Variants in NPAS3 observed in about 807,000 individuals in gnomAD.
NPAS3 encodes the protein neuronal PAS domain-containing protein 3.
NPAS3 carries 14 observed loss-of-function variants against 73.1 expected under a neutral mutation model. The ratio of observed to expected loss-of-function variants is 0.19; its 90% CI spans 0.13 to 0.30. The LOEUF is 0.30. NPAS3 is among the 10% of genes least tolerant of loss of function. The probability of loss-of-function intolerance (pLI) is 1.00; values close to 1 mark genes in which losing one functional copy is unlikely to be tolerated. For missense variants in NPAS3, 1,096 were observed against 1,250.0 expected (o/e 0.88, Z 1.86); for synonymous variants, 620 against 541.5 (o/e 1.14, Z -2.01).
intron 4 of NPAS3, among the ~76,000 whole-genome samples, chr14:33,474,955 A>G (rs2050951720): frequency 6.6e-6 from 1 of 152,218 alleles, no homozygotes; most frequent in Admixed American, 6.5e-5. Context: ...GTAGATGAGA[A>G]AACTGAGCCT....
intron 3 of NPAS3, among the ~76,000 whole-genome samples, chr14:33,238,767 ATTAG>A (rs1784748906): frequency 6.6e-6 from 1 of 151,990 alleles, no homozygotes; most frequent in South Asian, 2.1e-4. Flanking sequence ...GAATTTAGTA[ATTAG>A]TTCTTTTACC....
intron 3 of NPAS3, among the ~76,000 whole-genome samples, chr14:33,364,365 T>G (rs1271410246): frequency 6.6e-6 from 1 of 152,214 alleles, no homozygotes; most frequent in Non-Finnish European, 1.5e-5. Flanking sequence ...AGATAAGAAG[T>G]ACATTTTTAA....
At chr14:33,663,395 C>G (rs1177100059) in intron 5 of NPAS3, among the ~76,000 whole-genome samples, 26 of 151,956 alleles carry the variant, frequency 1.7e-4, no homozygotes, top group Admixed American at 1.7e-3. Flanking sequence ...TTGAACCAGC[C>G]TTGCATCCCA....
intron 1 of NPAS3, among the ~76,000 whole-genome samples, chr14:33,041,061 C>T (rs1190766706): frequency 6.6e-6 from 1 of 152,018 alleles, no homozygotes; most frequent in Admixed American, 6.6e-5. Flanking sequence ...TGGTCCAGAG[C>T]TTATTGGTGT....
At chr14:33,122,726 G>T (rs1363248691) in intron 2 of NPAS3, among the ~76,000 whole-genome samples, 4 of 152,022 alleles carry the variant, frequency 2.6e-5, no homozygotes, top group African/African-American at 9.7e-5. Flanking sequence ...CACAAAGCTT[G>T]GTAGGTCTCA....
At chr14:33,472,162 G>T (rs941764501) in intron 4 of NPAS3, among the ~76,000 whole-genome samples, 1 of 152,182 alleles carries the variant, frequency 6.6e-6, no homozygotes, top group Non-Finnish European at 1.5e-5. Flanking sequence ...ATCCAGGAAG[G>T]TCTCACTGTG....
chr14:33,190,864 A>G (rs745607321), intron 2 of NPAS3, among the ~76,000 whole-genome samples: 6 of 152,196 alleles, frequency 3.9e-5, no homozygotes, highest in Non-Finnish European at 8.8e-5. Context: ...TGTCAAGGCC[A>G]AATTACAGCT....
intron 4 of NPAS3, among the ~76,000 whole-genome samples, chr14:33,524,901 C>T (rs192084613): frequency 6.6e-6 from 1 of 152,224 alleles, no homozygotes; most frequent in East Asian, 1.9e-4. Context: ...TATATAGAAA[C>T]AGTCACATAG....
chr14:33,228,971 A>G (rs1477083514), intron 3 of NPAS3, among the ~76,000 whole-genome samples: 1 of 152,206 alleles, frequency 6.6e-6, no homozygotes, highest in Non-Finnish European at 1.5e-5. Context: ...TGCCAGGTCT[A>G]TATTTTAGAT....
At chr14:33,178,309 G>A (rs866094104) in intron 2 of NPAS3, among the ~76,000 whole-genome samples, 3 of 151,924 alleles carry the variant, frequency 2.0e-5, no homozygotes, top group African/African-American at 4.8e-5. Flanking sequence ...TCTTGACCTC[G>A]TGATCTGCCT....
At chr14:33,355,335 C>G (rs557786040) in intron 3 of NPAS3, among the ~76,000 whole-genome samples, 386 of 152,308 alleles carry the variant, frequency 2.5e-3, no homozygotes, top group South Asian at 0.015. Context: ...GAGTCTTGCT[C>G]TGTCGCCCAG....
intron 4 of NPAS3, among the ~76,000 whole-genome samples, chr14:33,469,140 C>G (rs1364964699): frequency 1.3e-5 from 2 of 152,100 alleles, no homozygotes; most frequent in East Asian, 3.9e-4. Context: ...CAGTCCCTTT[C>G]AAACTTTGCC....
intron 2 of NPAS3, among the ~76,000 whole-genome samples, chr14:33,147,609 G>T (rs1159035962): frequency 6.6e-6 from 1 of 151,442 alleles, no homozygotes; most frequent in African/African-American, 2.4e-5. Context: ...ATAGCATTAG[G>T]AGATAGACCT....
At chr14:33,740,323 C>A (rs1324844423) in intron 7 of NPAS3, among the ~76,000 whole-genome samples, 7 of 152,268 alleles carry the variant, frequency 4.6e-5, no homozygotes, top group Non-Finnish European at 1.0e-4. Flanking sequence ...TGAGAAATAT[C>A]CAGATCTTCT....
At chr14:33,151,661 C>A (rs1031134135) in intron 2 of NPAS3, among the ~76,000 whole-genome samples, 1 of 152,136 alleles carries the variant, frequency 6.6e-6, no homozygotes, top group Non-Finnish European at 1.5e-5. Context: ...CTATTACAAA[C>A]AATGTCACAA....
chr14:33,745,831 ATGAC>A (rs1212311988), intron 7 of NPAS3, among the ~76,000 whole-genome samples: 1 of 152,250 alleles, frequency 6.6e-6, no homozygotes, highest in Non-Finnish European at 1.5e-5. Flanking sequence ...GGGACAAAAT[ATGAC>A]TGAAATACGT....
At chr14:33,137,586 G>T (rs985905495) in intron 2 of NPAS3, among the ~76,000 whole-genome samples, 5 of 152,084 alleles carry the variant, frequency 3.3e-5, no homozygotes, top group South Asian at 2.1e-4. Flanking sequence ...CCAGATTTTT[G>T]CTGTTTGTGT....
chr14:33,208,566 T>C (rs1456759629), intron 2 of NPAS3, among the ~76,000 whole-genome samples: 4 of 152,350 alleles, frequency 2.6e-5, no homozygotes, highest in East Asian at 1.9e-4. Context: ...AGTATACATC[T>C]TGATGTTGAT....
intron 9 of NPAS3, among the ~76,000 whole-genome samples, chr14:33,784,913 G>T (rs1185593948): frequency 2.0e-5 from 3 of 150,330 alleles, no homozygotes. Flanking sequence ...ACCACGCCCG[G>T]CTAATTTTGT....
Sources: gnomAD v4.1 joint callset for allele counts (sites outside exome capture counted in the v4.1 genomes callset) on GRCh38, gnomAD v4.1.1 for gene constraint, MANE v1.5 for transcripts, NCBI Gene and HGNC (gene_info 2026-07-23, HGNC 2026-07-21) for gene names.